PLCG2: variants seen among roughly 807,000 people sequenced by gnomAD.
The protein encoded by PLCG2 is 1-phosphatidylinositol 4,5-bisphosphate phosphodiesterase gamma-2.
Under a neutral mutation model 175.6 loss-of-function variants are expected in PLCG2, and 69 were observed. The ratio of observed to expected loss-of-function variants is 0.39; its 90% CI spans 0.32 to 0.48. PLCG2 has a LOEUF of 0.48. PLCG2 is among the 20% of genes least tolerant of loss of function. The pLI is 0.91. For missense variants in PLCG2, 1,798 were observed against 1,650.9 expected, an observed-to-expected ratio of 1.09 and a Z score of -1.54; for synonymous variants, 827 against 624.0, an observed-to-expected ratio of 1.33 and a Z score of -4.85.
intron 2 of PLCG2, among the ~76,000 whole-genome samples, chr16:81,804,442 G>GAGGCAA (rs1911899625): frequency 6.6e-6 from 1 of 152,216 alleles, no homozygotes; most frequent in East Asian, 1.9e-4. Flanking sequence ...GTAAATGAAT[G>GAGGCAA]AGGCAACTCT....
chr16:81,890,936 G>C (rs893264933), intron 10 of PLCG2, among the ~76,000 whole-genome samples: 1 of 152,236 alleles, frequency 6.6e-6, no homozygotes, highest in Non-Finnish European at 1.5e-5. Flanking sequence ...GCTGAGGCGG[G>C]TGGATCGCTT....
chr16:81,937,540 G>T (rs1910765039), intron 27 of PLCG2: 1 of 427,132 alleles, frequency 2.3e-6, no homozygotes, highest in Non-Finnish European at 4.2e-6. Context: ...TTTCTTTTAT[G>T]ATTCGGGATT....
rs767388199 is a variant in PLCG2 at position 81,938,881 on chromosome 16, G to A, written c.3279G>A (p.Glu1093=). 1 of 1,612,450 alleles carries A rather than the reference G, an allele frequency of 6.2e-7. No individual in the cohort carries two copies. Among genetic ancestry groups the A allele is most frequent in the Admixed American group, 1.7e-5 (1 of 59,952 alleles). Residue 1093 remains glutamate, a synonymous_variant, in exon 29 of 33, where the codon GAG becomes GAA. Coordinates refer to ENST00000564138, the MANE Select transcript of PLCG2 (RefSeq NM_002661.5). The part of the protein sequence containing the change: ...PFVEVEICGA[E]YDNNKFKTTV... ...TAGAAGTGGAGATCTGTGGAGCCGAGTATGACAACAACAAGTTCAAGACGA... is the reference window on the plus strand; with the variant it reads ...TAGAAGTGGAGATCTGTGGAGCCGAATATGACAACAACAAGTTCAAGACGA...
intron 7 of PLCG2, among the ~76,000 whole-genome samples, chr16:81,872,992 G>T (rs922882506): frequency 6.6e-6 from 1 of 152,212 alleles, no homozygotes; most frequent in Non-Finnish European, 1.5e-5. Context: ...TTAGAGAAAT[G>T]GGAGGGCCAT....
intron 2 of PLCG2, 96 bp downstream of exon 2, chr16:81,786,278 G>C (rs887568232): frequency 5.9e-6 from 6 of 1,023,204 alleles, no homozygotes; most frequent in Non-Finnish European, 8.6e-6. Context: ...TGTGATTGTT[G>C]TTGGTTTGAT....
At chr16:81,741,282 G>A (rs1342058977) in intron 1 of PLCG2, among the ~76,000 whole-genome samples, 1 of 152,240 alleles carries the variant, frequency 6.6e-6, no homozygotes, top group Non-Finnish European at 1.5e-5. Flanking sequence ...GTATTTTACA[G>A]ATGAGGAAAC....
At chr16:81,780,803 G>T (rs56350744) in intron 1 of PLCG2, among the ~76,000 whole-genome samples, 51,601 of 152,082 alleles carry the variant, frequency 0.34, 9,127 homozygotes, top group East Asian at 0.52. Flanking sequence ...GAGCTGGGCT[G>T]ATCACTTGAG....
At chr16:81,829,869 G>A (rs1408230415) in intron 2 of PLCG2, among the ~76,000 whole-genome samples, 1 of 151,814 alleles carries the variant, frequency 6.6e-6, no homozygotes, top group Non-Finnish European at 1.5e-5. Context: ...TGAGTGGGGG[G>A]GCGTGTGTAT....
At chr16:81,842,035 C>CA (rs1746934259) in intron 2 of PLCG2, among the ~76,000 whole-genome samples, 1 of 152,204 alleles carries the variant, frequency 6.6e-6, no homozygotes, top group African/African-American at 2.4e-5. Flanking sequence ...CATGTTATTT[C>CA]ATTTGGTTTG....
intron 1 of PLCG2, among the ~76,000 whole-genome samples, chr16:81,752,656 A>T (rs977483838): frequency 6.6e-6 from 1 of 152,132 alleles, no homozygotes; most frequent in African/African-American, 2.4e-5. Flanking sequence ...AGAATCACTG[A>T]CCCTGAGGCT....
At chr16:81,876,504 C>T (rs959355395) in intron 7 of PLCG2, among the ~76,000 whole-genome samples, 6 of 152,220 alleles carry the variant, frequency 3.9e-5, no homozygotes, top group African/African-American at 7.2e-5. Context: ...GCTTCTGTGA[C>T]CCCCGCCTCT....
At chr16:81,937,677 A>C in intron 27 of PLCG2, 81 bp from the exon 28 acceptor site, 1 of 1,235,884 alleles carries the variant, frequency 8.1e-7, no homozygotes, top group Non-Finnish European at 1.1e-6. Flanking sequence ...GGTGAAATTC[A>C]TTCCCCACCT....
In PLCG2 at chr16:81,961,917, T is replaced by A. The variant is rs938553551; in HGVS notation, c.*3919T>A. 1.0e-5 allele frequency: 2 copies of A among 198,556 alleles called. No homozygotes were observed. Among genetic ancestry groups the A allele is most frequent in the Non-Finnish European group, 2.1e-5 (2 of 95,956 alleles). The allele number at this position is 198,556 out of a possible 1,614,324, so 12.3% of individuals were successfully genotyped here. A position where few individuals can be genotyped will look rare whatever the true frequency, so the allele number is the denominator to read the frequency against. ...AGTATCTGAGCATAAAATGTTAAGA[T>A]TGCTGATCGGATGTGAGGGCGATCT... On this transcript the variant is annotated 3_prime_UTR_variant, in exon 33 of 33. Transcript: ENST00000564138.
intron 2 of PLCG2, among the ~76,000 whole-genome samples, chr16:81,822,658 G>T (rs757978842): frequency 2.4e-4 from 36 of 150,172 alleles, no homozygotes; most frequent in Non-Finnish European, 4.1e-4. Context: ...TCAGAAGGCT[G>T]AGGCAGGAGA....
chr16:81,936,080 T>G lies in PLCG2; in HGVS notation c.2843-89T>G, dbSNP rs913468905. ...GAGGGAGATTCCTGGTTTCCTTTTA[T>G]AATCTGAGCATCCAGCCATTGCAGC... On this transcript the variant is annotated intron_variant, in intron 26 of 32. Transcript: ENST00000564138. 4 of 1,535,316 alleles carry G rather than the reference T, an allele frequency of 2.6e-6. No homozygotes were observed. The East Asian group carries it at 9.3e-5, about 36-fold the overall frequency.
In PLCG2 at chr16:81,746,751, C is replaced by T. The variant is rs142748821; in HGVS notation, c.-145+7366C>T. 6.3e-3 allele frequency among the ~76,000 whole-genome samples: 960 copies of T among 152,288 alleles called. 2 individuals carry two copies. The highest frequency in any genetic ancestry group is 9.2e-3 in the Non-Finnish European group (627 of 68,034). The stretch of plus-strand genomic sequence containing the variant: ...GGGCATATTAATAATTCCCACTTCT[C>T]AGGCTTGATAACGTCAATCAGGTAA... On this transcript the variant is annotated intron_variant, in intron 1 of 5. Coordinates refer to the PLCG2 transcript ENST00000565054.
chr16:81,770,236 C>G (rs1365283136), intron 2 of PLCG2, among the ~76,000 whole-genome samples: 1 of 152,156 alleles, frequency 6.6e-6, no homozygotes, highest in African/African-American at 2.4e-5. Context: ...CCCCTCAGGA[C>G]TCGCCTGGGT....
At chr16:81,879,422 G>A (rs921131401) in intron 7 of PLCG2, among the ~76,000 whole-genome samples, 3 of 152,100 alleles carry the variant, frequency 2.0e-5, no homozygotes, top group Admixed American at 6.6e-5. Context: ...CTAAGTTTGC[G>A]GCTCTTAACC....
At chr16:81,773,495 A>C (rs919162751) in intron 2 of PLCG2, among the ~76,000 whole-genome samples, 1 of 152,108 alleles carries the variant, frequency 6.6e-6, no homozygotes, top group African/African-American at 2.4e-5. Context: ...TGGGATTCAC[A>C]CTGAGGCCCA....
Sources: allele counts gnomAD v4.1 joint callset (sites outside exome capture counted in the v4.1 genomes callset), GRCh38; gene constraint gnomAD v4.1.1; transcripts MANE v1.5; gene names NCBI Gene and HGNC (gene_info 2026-07-23, HGNC 2026-07-21).